The following ATPAF2 variants were observed in gnomAD, a reference collection of about 807,000 sequenced individuals.
ATPAF2 encodes ATP synthase mitochondrial F1 complex assembly factor 2.
In ATPAF2, 30 loss-of-function variants were observed where a neutral mutation model predicts 36.6. That is an observed-to-expected ratio of 0.82 (90% confidence interval 0.61 to 1.11). The LOEUF (loss-of-function observed/expected upper bound fraction) is 1.11, where lower values mean the gene tolerates loss of function less well. Among genes scored for constraint, ATPAF2 ranks in the 50% most tolerant of loss-of-function variants. The pLI is 0.00. For synonymous variants in ATPAF2, 140 were observed against 152.6 expected (o/e 0.92, Z 0.61); for missense variants, 321 against 372.3 (o/e 0.86, Z 1.13).
chr17:18,029,437 C>T (rs2044595494), intron 1 of ATPAF2, among the ~76,000 whole-genome samples: 1 of 152,180 alleles, frequency 6.6e-6, no homozygotes, highest in South Asian at 2.1e-4. Context: ...GTGACAAACA[C>T]AAAACTTTCA....
chr17:18,037,365 G>A (rs748159652), intron 1 of ATPAF2, among the ~76,000 whole-genome samples: 8 of 152,070 alleles, frequency 5.3e-5, no homozygotes, highest in African/African-American at 9.7e-5. Context: ...CGAGGTGGGC[G>A]GGTCACAAAG....
chr17:18,023,127 CA>C (rs772470040), intron 5 of ATPAF2, among the ~76,000 whole-genome samples: 47,654 of 104,780 alleles, frequency 0.45, 9,725 homozygotes, highest in East Asian at 0.88. Flanking sequence ...AGACTCCTTT[CA>C]AAAAAAAAAA....
chr17:18,016,534 T>C, downstream of ATPAF2: 1 of 1,507,342 alleles, frequency 6.6e-7, no homozygotes, highest in Non-Finnish European at 9.2e-7. Flanking sequence ...ATGTAAGGAA[T>C]CGGGCTTTGG....
At chr17:18,032,241 T>C (rs1284888333) in intron 1 of ATPAF2, among the ~76,000 whole-genome samples, 1 of 152,184 alleles carries the variant, frequency 6.6e-6, no homozygotes, top group African/African-American at 2.4e-5. Context: ...CCAAGAGACC[T>C]GGGGCAGACG....
chr17:18,018,288 A>C lies in ATPAF2; in HGVS notation c.*261T>G. On this transcript the variant is annotated 3_prime_UTR_variant, in exon 8 of 8. Transcript: ENST00000474627. Reference sequence around the variant, plus strand: ...TTCCAGGGTGGAGAAATATTTAATAAAATCAGAGTCGAGAGAAAGTCACTT... The same window carrying C: ...TTCCAGGGTGGAGAAATATTTAATACAATCAGAGTCGAGAGAAAGTCACTT... The C allele has an allele frequency of 1.9e-6, 1 of 538,486 alleles. No individual in the cohort carries two copies. Among genetic ancestry groups the C allele is most frequent in the South Asian group, 2.0e-5 (1 of 49,406 alleles). The allele number at this position is 538,486 out of a possible 1,614,324, so 33.4% of individuals were successfully genotyped here.
intron 1 of ATPAF2, among the ~76,000 whole-genome samples, chr17:18,037,772 C>T (rs539714938): frequency 1.8e-4 from 28 of 152,358 alleles, no homozygotes; most frequent in African/African-American, 6.0e-4. Context: ...CAATGCCAAA[C>T]TGCCTGTGAA....
chr17:18,034,037 T>C (rs952765739), intron 1 of ATPAF2, among the ~76,000 whole-genome samples: 1 of 152,146 alleles, frequency 6.6e-6, no homozygotes, highest in South Asian at 2.1e-4. Flanking sequence ...GAGGATCACC[T>C]GAGCCTGGGA....
intron 5 of ATPAF2, among the ~76,000 whole-genome samples, chr17:18,022,848 G>A (rs1428453425): frequency 1.3e-5 from 2 of 151,976 alleles, no homozygotes. Flanking sequence ...GGCTGGGGCC[G>A]GGCGCGGTGG....
chr17:18,037,624 C>G (rs2044722862), intron 1 of ATPAF2, among the ~76,000 whole-genome samples: 1 of 152,114 alleles, frequency 6.6e-6, no homozygotes, highest in Non-Finnish European at 1.5e-5. Flanking sequence ...AAAAAAAGAA[C>G]TTGACAGCCA....
At chr17:18,016,281 T>G, downstream of ATPAF2, 1 of 1,378,750 alleles carries the variant, frequency 7.3e-7, no homozygotes, top group Non-Finnish European at 1.0e-6. Context: ...GATAGAATTT[T>G]CATTAAGGAA....
chr17:18,034,581 C>T (rs1303318122), intron 1 of ATPAF2, among the ~76,000 whole-genome samples: 1 of 152,162 alleles, frequency 6.6e-6, no homozygotes, highest in African/African-American at 2.4e-5. Context: ...AAAAAGACAA[C>T]AACAAGTGTT....
chr17:18,035,732 C>T (rs1440563232), intron 1 of ATPAF2, among the ~76,000 whole-genome samples: 2 of 152,198 alleles, frequency 1.3e-5, no homozygotes, highest in Non-Finnish European at 2.9e-5. Flanking sequence ...TGGCTGTGTT[C>T]CAATAAAACT....
chr17:18,022,336 C>T (rs1051990344), intron 5 of ATPAF2, among the ~76,000 whole-genome samples: 10 of 152,114 alleles, frequency 6.6e-5, no homozygotes, highest in African/African-American at 2.2e-4. Context: ...AGCTGGAGTG[C>T]GCTGGCATGA....
At chr17:18,035,718 C>T (rs962458750) in intron 1 of ATPAF2, among the ~76,000 whole-genome samples, 32 of 152,208 alleles carry the variant, frequency 2.1e-4, no homozygotes, top group Admixed American at 9.8e-4. Flanking sequence ...TAAATGAATG[C>T]ATGTGGCTGT....
At chr17:18,038,371 G>C (rs550972793) in intron 1 of ATPAF2, among the ~76,000 whole-genome samples, 1 of 152,344 alleles carries the variant, frequency 6.6e-6, no homozygotes, top group South Asian at 2.1e-4. Context: ...AGAGAAGGCT[G>C]CAGATGGCAG....
intron 1 of ATPAF2, among the ~76,000 whole-genome samples, chr17:18,035,648 C>A (rs2044693195): frequency 6.6e-6 from 1 of 152,228 alleles, no homozygotes; most frequent in South Asian, 2.1e-4. Flanking sequence ...GCAAGCCATA[C>A]AATATCTGTT....
At position 18,028,266 on chromosome 17, in the gene ATPAF2, T is replaced by C. The variant is rs1351723815; in HGVS notation, c.290A>G (p.Gln97Arg). 1 of 1,614,178 alleles carries C rather than the reference T, an allele frequency of 6.2e-7. No homozygotes were observed. The highest frequency in any genetic ancestry group is 1.7e-5 in the Admixed American group (1 of 60,024). ...AIAVATEWDS[Q>R]QDTIKYYTMH... ...GGTGTAGTACTTGATGGTATCCTGCTGGGAATCCCACTCAGTAGCCACTGC... is the reference window on the plus strand; with the variant it reads ...GGTGTAGTACTTGATGGTATCCTGCCGGGAATCCCACTCAGTAGCCACTGC... The change falls in exon 3 of 8, where the codon CAG (glutamine) becomes CGG (arginine). Residue 97 changes from glutamine to arginine, a missense_variant. Around this residue, in one of 3 missense-constraint regions of ATPAF2, gnomAD observed 53 missense variants for 91.6 expected, o/e 0.58. Coordinates refer to ENST00000474627, the MANE Select transcript of ATPAF2 (RefSeq NM_145691.4).
chr17:18,029,291 T>G (rs1021823007), intron 1 of ATPAF2, among the ~76,000 whole-genome samples: 2 of 152,206 alleles, frequency 1.3e-5, no homozygotes, highest in African/African-American at 2.4e-5. Context: ...AAATCTTACA[T>G]GAAACAGTCT....
chr17:18,029,158 CCT>C (rs1339163434), intron 1 of ATPAF2, among the ~76,000 whole-genome samples: 2 of 152,218 alleles, frequency 1.3e-5, no homozygotes, highest in African/African-American at 4.8e-5. Flanking sequence ...TTTCCCATCC[CCT>C]CTCTCCAATT....
Sources: gnomAD v4.1 joint callset for allele counts (sites outside exome capture counted in the v4.1 genomes callset) on GRCh38, gnomAD v4.1.1 for gene constraint, gnomAD v4.1.1 regional missense constraint, MANE v1.5 for transcripts, NCBI Gene and HGNC (gene_info 2026-07-23, HGNC 2026-07-21) for gene names.